Variants in ARSG observed in about 807,000 individuals in gnomAD.
ARSG encodes the protein arylsulfatase G, also known as ASG.
Under a neutral mutation model 50.5 loss-of-function variants are expected in ARSG, and 37 were observed. The observed-to-expected ratio is 0.73, with a 90% CI of 0.56 to 0.96. The LOEUF is 0.96. ARSG is among the 50% of genes least tolerant of loss of function. The probability of loss-of-function intolerance (pLI) is 0.00; values close to 1 mark genes in which losing one functional copy is unlikely to be tolerated. For missense variants in ARSG, 629 were observed against 675.3 expected (o/e 0.93, Z 0.76); for synonymous variants, 225 against 254.6 (o/e 0.88, Z 1.11).
At chr17:68,260,104 T>C (rs1224729012) in intron 1 of ARSG, among the ~76,000 whole-genome samples, 3 of 152,222 alleles carry the variant, frequency 2.0e-5, no homozygotes, top group Admixed American at 2.0e-4. Flanking sequence ...CCTGGTATTG[T>C]CTTCAAATGC....
the ARSG span, chr17:68,451,006 G>C: frequency 7.0e-7 from 1 of 1,422,694 alleles, no homozygotes; most frequent in Non-Finnish European, 9.3e-7. Context: ...GGTTCTCCGG[G>C]TCTTGCCGGC....
At chr17:68,398,196 A>C (rs1273758003) in intron 10 of ARSG, among the ~76,000 whole-genome samples, 1 of 152,222 alleles carries the variant, frequency 6.6e-6, no homozygotes, top group Non-Finnish European at 1.5e-5. Flanking sequence ...TCGCATATGC[A>C]TGTGTCTATA....
At chr17:68,427,032 A>AC (rs2078079177), downstream of ARSG, 2 of 939,286 alleles carry the variant, frequency 2.1e-6, no homozygotes, top group South Asian at 1.5e-5. Context: ...AGGGCACTCC[A>AC]CCCCCAGGTA....
At position 68,385,137 on chromosome 17, in the gene ARSG, A is replaced by G. The variant is rs2080643851; in HGVS notation, c.1056A>G (p.Arg352=). 1 of 1,614,070 alleles carries G rather than the reference A, an allele frequency of 6.2e-7. No homozygotes were observed. The highest frequency in any genetic ancestry group is 1.3e-5 in the African/African-American group (1 of 75,048). The change falls in exon 9 of 12, where the codon AGA becomes AGG. Residue 352 remains arginine (R), a synonymous_variant. Coordinates refer to ENST00000621439, the MANE Select transcript of ARSG (RefSeq NM_001267727.2). ...CAGCACTGGCTTACTGGCCTGGCAG[A>G]GTTCCAGTTAATGTCACCAGCACTG... ...RVPALAYWPG[R]VPVNVTSTAL...
intron 8 of ARSG, among the ~76,000 whole-genome samples, chr17:68,380,368 A>G (rs1330651093): frequency 1.3e-5 from 2 of 151,900 alleles, no homozygotes; most frequent in East Asian, 1.9e-4. Flanking sequence ...CAGCCTCCCA[A>G]GTAACTTGGA....
chr17:68,406,430 G>A (rs1030469545), intron 11 of ARSG, among the ~76,000 whole-genome samples: 68 of 152,148 alleles, frequency 4.5e-4, no homozygotes, highest in African/African-American at 1.4e-3. Context: ...GGATCAAATG[G>A]TAGTTCAGCT....
the ARSG span, among the ~76,000 whole-genome samples, chr17:68,432,605 A>T: frequency 7.2e-5 from 11 of 152,004 alleles, no homozygotes; most frequent in African/African-American, 2.4e-4. Flanking sequence ...CAGCGTGATA[A>T]GGTGCCCGGC....
chr17:68,372,124 C>T (rs2079874973), intron 8 of ARSG, among the ~76,000 whole-genome samples: 2 of 152,086 alleles, frequency 1.3e-5, no homozygotes, highest in Admixed American at 1.3e-4. Context: ...CAAGTTTACC[C>T]TCATTGAGGG....
chr17:68,351,805 A>G (rs940160375), intron 5 of ARSG, 119 bp downstream of exon 5: 2 of 705,880 alleles, frequency 2.8e-6, no homozygotes, highest in Admixed American at 4.2e-5. Flanking sequence ...CAAATAAGAT[A>G]CACGGTACAT....
chr17:68,344,190 G>C (rs2078403582), intron 3 of ARSG, among the ~76,000 whole-genome samples: 1 of 152,164 alleles, frequency 6.6e-6, no homozygotes, highest in Non-Finnish European at 1.5e-5. Context: ...GAAGGAAGAA[G>C]AGAAGGGAGA....
At chr17:68,341,332 A>G (rs1037249507) in intron 2 of ARSG, among the ~76,000 whole-genome samples, 4 of 152,188 alleles carry the variant, frequency 2.6e-5, no homozygotes, top group African/African-American at 9.7e-5. Flanking sequence ...TCAAACGTTT[A>G]CAAGGTACGA....
At chr17:68,347,082 C>A (rs1349385165) in intron 3 of ARSG, 43 bp from the exon 4 acceptor site, 1 of 1,607,982 alleles carries the variant, frequency 6.2e-7, no homozygotes, top group Non-Finnish European at 8.5e-7. Flanking sequence ...TGTGGTACCC[C>A]TATGGGGATT....
chr17:68,366,505 T>A (rs1174478061), intron 6 of ARSG, among the ~76,000 whole-genome samples: 2 of 152,200 alleles, frequency 1.3e-5, no homozygotes, highest in African/African-American at 4.8e-5. Context: ...GGCCACAACC[T>A]GCACAACTGT....
chr17:68,404,413 T>C (rs567358433), intron 11 of ARSG, among the ~76,000 whole-genome samples: 15 of 152,306 alleles, frequency 9.8e-5, no homozygotes, highest in Non-Finnish European at 2.1e-4. Flanking sequence ...TTTGGTGAGG[T>C]TTTATAAATG....
chr17:68,335,397 CA>C (rs1190517504), intron 2 of ARSG, among the ~76,000 whole-genome samples: 11 of 151,684 alleles, frequency 7.3e-5, no homozygotes, highest in Admixed American at 7.2e-4. Flanking sequence ...ACTAAAAATA[CA>C]AAAAAATTAG....
chr17:68,313,681 CTCTTT>C (rs2076955271), intron 2 of ARSG, among the ~76,000 whole-genome samples: 1 of 123,390 alleles, frequency 8.1e-6, no homozygotes, highest in African/African-American at 3.0e-5. Flanking sequence ...CTCTCTCTCT[CTCTTT>C]TTTTTTTTTT....
chr17:68,308,850 C>T (rs563711900), intron 2 of ARSG, among the ~76,000 whole-genome samples: 50 of 152,390 alleles, frequency 3.3e-4, no homozygotes, highest in African/African-American at 1.2e-3. Flanking sequence ...GCTGGCTTCA[C>T]CCAGTGGATC....
the ARSG span, chr17:68,436,399 A>G: frequency 6.2e-7 from 1 of 1,613,936 alleles, no homozygotes; most frequent in East Asian, 2.2e-5. Flanking sequence ...TTTCCATCAT[A>G]AAGCACAATC....
chr17:68,451,064 C>G, the ARSG span, among the ~76,000 whole-genome samples: 6 of 152,368 alleles, frequency 3.9e-5, no homozygotes, highest in Admixed American at 2.0e-4. Flanking sequence ...CCATGCCCCC[C>G]ACCCTGCCAG....
Sources: gnomAD v4.1 joint callset for allele counts (sites outside exome capture counted in the v4.1 genomes callset) on GRCh38, gnomAD v4.1.1 for gene constraint, MANE v1.5 for transcripts, NCBI Gene and HGNC (gene_info 2026-07-23, HGNC 2026-07-21) for gene names.